PLAAT1: variants seen among roughly 807,000 people sequenced by gnomAD.
PLAAT1 encodes the protein H-REV107 protein-related protein.
In PLAAT1, 13 loss-of-function variants were observed where a neutral mutation model predicts 16.4. The ratio of observed to expected loss-of-function variants is 0.79; its 90% CI spans 0.52 to 1.26. The LOEUF (loss-of-function observed/expected upper bound fraction) is 1.26, where lower values mean the gene tolerates loss of function less well. PLAAT1 is among the 50% of genes most tolerant of loss of function. The probability of loss-of-function intolerance (pLI) is 0.00; values close to 1 mark genes in which losing one functional copy is unlikely to be tolerated. For synonymous variants in PLAAT1, 73 were observed against 78.4 expected (o/e 0.93, Z 0.36); for missense variants, 218 against 207.8 (o/e 1.05, Z -0.30).
chr3:193,270,825 C>G lies in PLAAT1; in HGVS notation c.*120C>G. 7.2e-7 allele frequency: 1 copy of G among 1,388,558 alleles called. No homozygotes were observed. The highest frequency in any genetic ancestry group is 9.4e-7 in the Non-Finnish European group (1 of 1,067,812). 86.0% of individuals were successfully genotyped at this position (1,388,558 alleles called of 1,614,324 possible). A position where few individuals can be genotyped will look rare whatever the true frequency, so the allele number is the denominator to read the frequency against. On this transcript the variant is annotated 3_prime_UTR_variant, in exon 4 of 4. Transcript: ENST00000264735. ...AGATTCCTATGATGGATGGCAGACTCTTTAATAAATTGCTTACTGATATTA... is the reference window on the plus strand; with the variant it reads ...AGATTCCTATGATGGATGGCAGACTGTTTAATAAATTGCTTACTGATATTA...
upstream of PLAAT1, among the ~76,000 whole-genome samples, chr3:193,240,948 G>T (rs931707453): frequency 1.3e-5 from 2 of 152,158 alleles, no homozygotes; most frequent in African/African-American, 4.8e-5. Context: ...GCGGCGCCTA[G>T]CACAGCGCCT....
downstream of PLAAT1, chr3:193,279,504 T>C (rs1259181966): frequency 1.3e-6 from 2 of 1,503,570 alleles, no homozygotes; most frequent in Non-Finnish European, 1.8e-6. Context: ...ATGTTTCATA[T>C]AATTTGGCAC....
chr3:193,259,230 G>A lies in PLAAT1; in HGVS notation c.139+3441G>A, dbSNP rs531489707. On this transcript the variant is annotated intron_variant, in intron 2 of 3. Coordinates refer to ENST00000264735, the MANE Select transcript of PLAAT1 (RefSeq NM_020386.5). Reference sequence around the variant, plus strand: ...ACCCTGAAGAGAATAGGCATTGAAGGAACATAACCTCAAAATAATGAATCA... The same window carrying A: ...ACCCTGAAGAGAATAGGCATTGAAGAAACATAACCTCAAAATAATGAATCA... Among the ~76,000 whole-genome samples, 8 of 152,116 alleles carry A rather than the reference G, an allele frequency of 5.3e-5. No individual in the cohort carries two copies. The South Asian group carries it at 1.7e-3, about 32-fold the overall frequency.
rs771336392 is a variant in PLAAT1 at position 193,262,968 on chromosome 3, AG to A, written c.140-1del. ...CTTACTAACCAGAATTCTACTTTAT[AG>A]ATGGCATTCCTGCGTCCTTTACAAG... On this transcript the variant is annotated splice_acceptor_variant, in intron 2 of 3. Transcript: ENST00000264735. LOFTEE classifies it high-confidence loss of function. The A allele has an allele frequency of 4.3e-6, 7 of 1,613,952 alleles. No homozygotes were observed. The highest frequency in any genetic ancestry group is 5.9e-6 in the Non-Finnish European group (7 of 1,179,942).
intron 1 of PLAAT1, among the ~76,000 whole-genome samples, chr3:193,253,949 A>G (rs1300285627): frequency 6.6e-6 from 1 of 152,110 alleles, no homozygotes; most frequent in Non-Finnish European, 1.5e-5. Context: ...ATTATTTTAT[A>G]CTTTGGCTGC....
At chr3:193,243,064 A>C (rs369465138) in intron 1 of PLAAT1, among the ~76,000 whole-genome samples, 4 of 152,204 alleles carry the variant, frequency 2.6e-5, no homozygotes, top group African/African-American at 9.7e-5. Flanking sequence ...AGAGAGCTAT[A>C]AAGACAGCAG....
chr3:193,270,768 A>G lies in PLAAT1; in HGVS notation c.*63A>G. 5 of 1,572,736 alleles carry G rather than the reference A, an allele frequency of 3.2e-6. No individual in the cohort carries two copies. The highest frequency in any genetic ancestry group is 4.3e-6 in the Non-Finnish European group (5 of 1,158,496). On this transcript the variant is annotated 3_prime_UTR_variant, in exon 4 of 4. Transcript: ENST00000264735. ...GGAGGAGGAAAAGAAACCTGGGGTGAATACTTATTTTCAGTGCATCATTAC... is the reference window on the plus strand; with the variant it reads ...GGAGGAGGAAAAGAAACCTGGGGTGGATACTTATTTTCAGTGCATCATTAC...
chr3:193,241,216 C>G, upstream of PLAAT1: 1 of 1,223,890 alleles, frequency 8.2e-7, no homozygotes, highest in Non-Finnish European at 1.0e-6. Context: ...CGGGCGGCTC[C>G]CCATGGTCAG....
chr3:193,275,345 C>A (rs1421808034), downstream of PLAAT1: 2 of 1,596,614 alleles, frequency 1.3e-6, no homozygotes, highest in South Asian at 1.1e-5. Flanking sequence ...TTGCGCAGGT[C>A]CCCCTGCAGC....
chr3:193,240,836 T>G (rs958741382), upstream of PLAAT1, among the ~76,000 whole-genome samples: 2 of 152,052 alleles, frequency 1.3e-5, no homozygotes, highest in African/African-American at 4.8e-5. Context: ...CATGATTCCT[T>G]GGGCCCTAAG....
At chr3:193,264,944 A>G (rs1454298868) in intron 3 of PLAAT1, among the ~76,000 whole-genome samples, 1 of 152,238 alleles carries the variant, frequency 6.6e-6, no homozygotes, top group Non-Finnish European at 1.5e-5. Context: ...GGAAATGCAA[A>G]TCAAAGCCAC....
chr3:193,245,419 C>T (rs1332436927), intron 1 of PLAAT1, among the ~76,000 whole-genome samples: 1 of 152,182 alleles, frequency 6.6e-6, no homozygotes, highest in African/African-American at 2.4e-5. Context: ...ATATGTACCA[C>T]ATTTTTATCC....
chr3:193,271,688 T>C (rs1157068460), downstream of PLAAT1, among the ~76,000 whole-genome samples: 2 of 152,156 alleles, frequency 1.3e-5, no homozygotes, highest in African/African-American at 2.4e-5. Flanking sequence ...ATCCGTCTTA[T>C]GCTATCATCA....
At chr3:193,269,053 G>C (rs1042160886) in intron 3 of PLAAT1, among the ~76,000 whole-genome samples, 4 of 151,918 alleles carry the variant, frequency 2.6e-5, no homozygotes, top group Admixed American at 2.0e-4. Flanking sequence ...TACTAGGGTT[G>C]GGCTTGATCC....
downstream of PLAAT1, chr3:193,281,099 A>G (rs2108817002): frequency 1.3e-6 from 1 of 744,818 alleles, no homozygotes; most frequent in Middle Eastern, 6.6e-4. Context: ...ACAGAAGAAA[A>G]GTAGGAATTG....
chr3:193,268,122 A>G (rs1476165941), intron 3 of PLAAT1, among the ~76,000 whole-genome samples: 1 of 152,080 alleles, frequency 6.6e-6, no homozygotes, highest in African/African-American at 2.4e-5. Flanking sequence ...GTTTTCTCTC[A>G]GTTTGTGTCT....
downstream of PLAAT1, among the ~76,000 whole-genome samples, chr3:193,279,813 T>C (rs1383839597): frequency 6.6e-6 from 1 of 151,878 alleles, no homozygotes; most frequent in Admixed American, 6.6e-5. Context: ...AGAATAAAGT[T>C]CAGGGATCCT....
At chr3:193,259,666 C>G (rs1716512481) in intron 2 of PLAAT1, among the ~76,000 whole-genome samples, 1 of 152,018 alleles carries the variant, frequency 6.6e-6, no homozygotes, top group Non-Finnish European at 1.5e-5. Context: ...TACATCCAAC[C>G]AAGAAGGTGA....
intron 1 of PLAAT1, among the ~76,000 whole-genome samples, chr3:193,243,624 A>T (rs1368534625): frequency 2.0e-5 from 3 of 152,204 alleles, no homozygotes; most frequent in Non-Finnish European, 4.4e-5. Context: ...TAATGATGTT[A>T]ATCAATGGTA....
Sources: gnomAD v4.1 joint callset for allele counts (sites outside exome capture counted in the v4.1 genomes callset) on GRCh38, gnomAD v4.1.1 for gene constraint, MANE v1.5 for transcripts, NCBI Gene and HGNC (gene_info 2026-07-23, HGNC 2026-07-21) for gene names.